Variants in TMTC1 observed in about 807,000 individuals in gnomAD.
TMTC1 encodes protein O-mannosyl-transferase TMTC1.
A neutral mutation model predicts 104.8 loss-of-function variants in TMTC1; 73 were observed. That is an observed-to-expected ratio of 0.70 (90% CI 0.58 to 0.85). TMTC1 has a LOEUF of 0.85. Ranked by LOEUF, TMTC1 falls within the 40% of genes least tolerant of loss-of-function variation. The pLI is 0.00. For missense variants in TMTC1, 1,035 were observed against 1,096.1 expected (o/e 0.94, Z 0.79); for synonymous variants, 434 against 428.7 (o/e 1.01, Z -0.15).
Position 29,783,840 on chromosome 12 carries a change from C to G in TMTC1, c.-89G>C, listed in dbSNP as rs1357998641. On this transcript the variant is annotated 5_prime_UTR_variant, in exon 1 of 18. Transcript: ENST00000539277. This position sits in a 1 kb window ranked among gnomAD's most constrained non-coding sequence, Gnocchi z 4.7. ...GCCCCGGCGGCGCGCGGCGTCTGCC[C>G]GGAGGGGGGCTCGGGCATGGTGCTG... 2 of 1,058,182 alleles carry G rather than the reference C, an allele frequency of 1.9e-6. No homozygotes were observed. The highest frequency in any genetic ancestry group is 4.5e-5 in the South Asian group (1 of 22,046). 65.5% of individuals were successfully genotyped at this position (1,058,182 alleles called of 1,614,324 possible).
At chr12:29,607,588 G>C (rs1306740963) in intron 6 of TMTC1, among the ~76,000 whole-genome samples, 2 of 152,192 alleles carry the variant, frequency 1.3e-5, no homozygotes, top group Admixed American at 1.3e-4. Context: ...AGTGGATAAT[G>C]AGCGTTTTGC....
rs1001591847 is a variant in TMTC1 at position 29,597,084 on chromosome 12, C to T, written c.1250+7094G>A. Among the ~76,000 whole-genome samples the T allele has an allele frequency of 3.9e-5, 6 of 152,158 alleles. No individual in the cohort carries two copies. In the South Asian group the frequency reaches 6.2e-4, roughly 16 times the overall value. The stretch of plus-strand genomic sequence containing the variant: ...CTGCTGCCTCTCTTGGCAAGCCATC[C>T]GCAGTATCATCTCTTGAAGACAGCC... On this transcript the variant is annotated intron_variant, in intron 7 of 17. Transcript: ENST00000539277.
chr12:29,542,478 T>C (rs1346745063), intron 10 of TMTC1, among the ~76,000 whole-genome samples: 1 of 152,220 alleles, frequency 6.6e-6, no homozygotes, highest in African/African-American at 2.4e-5. Flanking sequence ...TAATCCTCCG[T>C]GATCTAAAAT....
chr12:29,747,140 A>G (rs1381503656), intron 5 of TMTC1, among the ~76,000 whole-genome samples: 2 of 152,204 alleles, frequency 1.3e-5, no homozygotes, highest in Non-Finnish European at 2.9e-5. Context: ...GTATACATAT[A>G]TAGGTGTGTA....
chr12:29,627,124 T>C (rs1412539107), intron 6 of TMTC1, among the ~76,000 whole-genome samples: 1 of 151,792 alleles, frequency 6.6e-6, no homozygotes, highest in African/African-American at 2.4e-5. Context: ...AAATAAAAAA[T>C]AAAAACTTTT....
intron 6 of TMTC1, among the ~76,000 whole-genome samples, chr12:29,610,213 C>T (rs1946808992): frequency 6.6e-6 from 1 of 152,214 alleles, no homozygotes; most frequent in African/African-American, 2.4e-5. Context: ...AGGATCGGAG[C>T]TCGGGCTGGT....
chr12:29,545,629 T>TCACTCACA (rs1555167548), intron 10 of TMTC1, among the ~76,000 whole-genome samples: 14 of 73,578 alleles, frequency 1.9e-4, no homozygotes, highest in Middle Eastern at 7.7e-3. Flanking sequence ...CAAGACTCTG[T>TCACTCACA]CACACACACA....
chr12:29,640,598 G>C (rs1466428839), intron 5 of TMTC1: 3 of 152,222 alleles, frequency 2.0e-5, no homozygotes, highest in Non-Finnish European at 4.4e-5. Context: ...GTGAAATACT[G>C]GGGTAGAGGA....
rs1416376350 is a variant in TMTC1 at position 29,643,855 on chromosome 12, ATTTATATATATT to A, written c.939-10531_939-10520del. On this transcript the variant is annotated intron_variant, in intron 5 of 17. Transcript: ENST00000539277. ...TATATATATTTATATATTTATATATATTTATATATATTTTTATATATAAATTTAAATATATAT... is the reference window on the plus strand; with the variant it reads ...TATATATATTTATATATTTATATATATTTATATATAAATTTAAATATATAT... Among the ~76,000 whole-genome samples the A allele has an allele frequency of 7.1e-3, 595 of 84,014 alleles. 11 individuals carry two copies. The highest frequency in any genetic ancestry group is 0.027 in the African/African-American group (495 of 18,654). The allele number at this position is 84,014 out of a possible 152,430, so 55.1% of individuals were successfully genotyped here.
chr12:29,524,465 C>T (rs551939080), intron 11 of TMTC1, among the ~76,000 whole-genome samples: 1 of 152,166 alleles, frequency 6.6e-6, no homozygotes, highest in East Asian at 1.9e-4. Flanking sequence ...ATTTTATTAT[C>T]CAGCACAACC....
intron 5 of TMTC1, among the ~76,000 whole-genome samples, chr12:29,636,983 C>A (rs1425909500): frequency 6.6e-6 from 1 of 151,736 alleles, no homozygotes; most frequent in Non-Finnish European, 1.5e-5. Context: ...TCACTTTAGC[C>A]AGGGAGGTCA....
chr12:29,507,076 C>T, intron 17 of TMTC1, 90 bp from the exon 18 acceptor site: 1 of 1,073,278 alleles, frequency 9.3e-7, no homozygotes, highest in Non-Finnish European at 1.4e-6. Context: ...ACCCTCTGCC[C>T]AGTTTTACAT....
chr12:29,755,844 G>A lies in TMTC1; in HGVS notation c.596C>T (p.Thr199Met), dbSNP rs778313192. Reference sequence around the variant, plus strand: ...GAGCAGCAAGAAGAAGGGAGACACCGTGGAAGGGAAACTTCCCCCAACACA... The same window carrying A: ...GAGCAGCAAGAAGAAGGGAGACACCATGGAAGGGAAACTTCCCCCAACACA... ...QGCVGGSFPSTVSPFFLLLSL... is the reference protein window; with the variant it reads ...QGCVGGSFPSMVSPFFLLLSL... The change falls in exon 4 of 18, where the codon ACG becomes ATG. Residue 199 changes from threonine to methionine, a missense_variant. Coordinates refer to ENST00000539277, the MANE Select transcript of TMTC1 (RefSeq NM_001193451.2). 6.2e-5 allele frequency: 100 copies of A among 1,614,032 alleles called. No individual in the cohort carries two copies. In the Admixed American group the frequency reaches 1.4e-3, roughly 22 times the overall value.
At chr12:29,538,479 G>C (rs1944705371) in intron 10 of TMTC1, among the ~76,000 whole-genome samples, 1 of 151,830 alleles carries the variant, frequency 6.6e-6, no homozygotes, top group South Asian at 2.1e-4. Context: ...AATTAAGGCT[G>C]AAAATTAAGT....
rs181834218 is a variant in TMTC1 at position 29,624,315 on chromosome 12, C to T, written c.1128+8832G>A. Among the ~76,000 whole-genome samples the T allele has an allele frequency of 6.2e-3, 891 of 142,814 alleles. 11 individuals are homozygous for T. The highest frequency in any genetic ancestry group is 0.034 in the Admixed American group (481 of 14,276). 93.7% of individuals were successfully genotyped at this position (142,814 alleles called of 152,430 possible). ...TTCCTTTCTCTAGTCTTATTTCCTC[C>T]GCTGGCTTGGGCCCACCAAGAAGAA... On this transcript the variant is annotated intron_variant, in intron 6 of 17. Coordinates refer to ENST00000539277, the MANE Select transcript of TMTC1 (RefSeq NM_001193451.2).
chr12:29,618,075 C>G (rs1383636062), intron 6 of TMTC1, among the ~76,000 whole-genome samples: 1 of 152,080 alleles, frequency 6.6e-6, no homozygotes, highest in Non-Finnish European at 1.5e-5. Context: ...AGGGTAAAAG[C>G]AGTGAAGGTG....
chr12:29,526,207 A>C (rs1232164329), intron 11 of TMTC1, among the ~76,000 whole-genome samples: 2 of 152,200 alleles, frequency 1.3e-5, no homozygotes, highest in East Asian at 3.8e-4. Flanking sequence ...AACCTGGATC[A>C]GTTTATCCCT....
chr12:29,579,872 T>C (rs192694280), intron 8 of TMTC1, among the ~76,000 whole-genome samples: 2 of 152,288 alleles, frequency 1.3e-5, no homozygotes, highest in Admixed American at 1.3e-4. Context: ...TAAAACACAA[T>C]GTAAAATATA....
chr12:29,717,024 AAAAC>A (rs369846215), intron 5 of TMTC1, among the ~76,000 whole-genome samples: 7 of 152,278 alleles, frequency 4.6e-5, no homozygotes, highest in African/African-American at 7.2e-5. Flanking sequence ...TCCGTCTCAA[AAAAC>A]AAACAAACAA....
Sources: gnomAD v4.1 joint callset for allele counts (sites outside exome capture counted in the v4.1 genomes callset) on GRCh38, gnomAD v4.1.1 for gene constraint, Gnocchi (gnomAD v3.1) non-coding constraint, MANE v1.5 for transcripts, NCBI Gene and HGNC (gene_info 2026-07-23, HGNC 2026-07-21) for gene names.